The following VPS13B variants were observed in gnomAD, a reference collection of about 807,000 sequenced individuals.
VPS13B encodes intermembrane lipid transfer protein VPS13B.
In VPS13B, 285 loss-of-function variants were observed where a neutral mutation model predicts 426.4. That is an observed-to-expected ratio of 0.67 (90% CI 0.61 to 0.74). The LOEUF (loss-of-function observed/expected upper bound fraction) is 0.74, where lower values mean the gene tolerates loss of function less well. Among genes scored for constraint, VPS13B ranks in the 30% least tolerant of loss-of-function variants. The pLI is 0.00. For missense variants in VPS13B, 4,537 were observed against 4,782.6 expected (o/e 0.95, Z 1.51); for synonymous variants, 1,676 against 1,676.4 (o/e 1.00, Z 0.01).
chr8:99,483,547 C>G (rs76652896), intron 25 of VPS13B, among the ~76,000 whole-genome samples: 3,309 of 152,188 alleles, frequency 0.022, 132 homozygotes, highest in African/African-American at 0.075. Context: ...TTTGTGAAAT[C>G]CTTTGGTAGA....
intron 30 of VPS13B, among the ~76,000 whole-genome samples, chr8:99,552,584 T>G (rs1563791979): frequency 2.0e-5 from 3 of 151,796 alleles, no homozygotes; most frequent in South Asian, 2.1e-4. Flanking sequence ...TTTGTTTTTT[T>G]TTTTTTCCCC....
intron 3 of VPS13B, among the ~76,000 whole-genome samples, chr8:99,052,999 T>G (rs970045080): frequency 1.3e-5 from 2 of 152,064 alleles, no homozygotes; most frequent in Admixed American, 6.5e-5. Context: ...GATTCATTGA[T>G]TTTTTGAAGG....
intron 42 of VPS13B, 66 bp from the exon 43 acceptor site, chr8:99,784,249 A>C: frequency 8.1e-6 from 13 of 1,606,474 alleles, no homozygotes; most frequent in Non-Finnish European, 1.1e-5. Flanking sequence ...GCCACTGGGC[A>C]GACAGCTGCC....
intron 23 of VPS13B, among the ~76,000 whole-genome samples, chr8:99,456,735 T>C (rs1320774091): frequency 1.3e-5 from 2 of 152,188 alleles, no homozygotes; most frequent in African/African-American, 2.4e-5. Flanking sequence ...TCCATGCTTA[T>C]TGAGGGGTTT....
intron 13 of VPS13B, among the ~76,000 whole-genome samples, chr8:99,143,805 A>G (rs1421175975): frequency 6.6e-6 from 1 of 152,168 alleles, no homozygotes; most frequent in Non-Finnish European, 1.5e-5. Context: ...TCTCTACAAT[A>G]CGTTTAGTTA....
chr8:99,405,428 A>G (rs1334876619), intron 21 of VPS13B, among the ~76,000 whole-genome samples: 1 of 152,140 alleles, frequency 6.6e-6, no homozygotes, highest in Non-Finnish European at 1.5e-5. Context: ...GTCTGTTCGT[A>G]TGCCACAACA....
chr8:99,280,865 CCCTT>C (rs1174875915), intron 19 of VPS13B, among the ~76,000 whole-genome samples: 1 of 152,004 alleles, frequency 6.6e-6, no homozygotes, highest in African/African-American at 2.4e-5. Flanking sequence ...CTTTTTTTCA[CCCTT>C]CCTTTCATTT....
intron 39 of VPS13B, among the ~76,000 whole-genome samples, chr8:99,726,341 G>GTTGTGCAGTTTT (rs1274623963): frequency 2.2e-4 from 34 of 152,292 alleles, no homozygotes; most frequent in African/African-American, 8.2e-4. Flanking sequence ...ACCTAGGAGT[G>GTTGTGCAGTTTT]TTGTGCAGTT....
chr8:99,842,140 CATTTTAA>C (rs1430031623), intron 54 of VPS13B, among the ~76,000 whole-genome samples: 1 of 152,150 alleles, frequency 6.6e-6, no homozygotes, highest in Non-Finnish European at 1.5e-5. Flanking sequence ...ATCAGTAGTA[CATTTTAA>C]ATTTATTCCT....
chr8:99,310,762 G>GTACC (rs1317102864), intron 19 of VPS13B, among the ~76,000 whole-genome samples: 4 of 152,122 alleles, frequency 2.6e-5, no homozygotes, highest in Admixed American at 6.5e-5. Flanking sequence ...AGAAGGAATG[G>GTACC]TACCAGCTCC....
intron 14 of VPS13B, among the ~76,000 whole-genome samples, chr8:99,149,358 C>T (rs1563568989): frequency 6.6e-6 from 1 of 152,208 alleles, no homozygotes. Context: ...CGCTCTGTTG[C>T]CTAGGCTAGA....
chr8:99,794,207 G>A (rs1007665907), intron 43 of VPS13B, among the ~76,000 whole-genome samples: 1 of 152,132 alleles, frequency 6.6e-6, no homozygotes, highest in African/African-American at 2.4e-5. Context: ...AAGCAAATTC[G>A]ATGTAAGAGG....
At chr8:99,752,148 C>T (rs148956763) in intron 39 of VPS13B, among the ~76,000 whole-genome samples, 13 of 151,944 alleles carry the variant, frequency 8.6e-5, no homozygotes, top group African/African-American at 2.2e-4. Context: ...TCAAGGCCAG[C>T]CTGGGCAAAC....
intron 17 of VPS13B, among the ~76,000 whole-genome samples, chr8:99,198,941 G>A (rs566782663): frequency 4.6e-5 from 7 of 151,996 alleles, no homozygotes; most frequent in South Asian, 2.1e-4. Flanking sequence ...TCCACGAAAT[G>A]TGTATGTATT....
chr8:99,551,747 A>G (rs1824295679), intron 30 of VPS13B, among the ~76,000 whole-genome samples: 1 of 151,862 alleles, frequency 6.6e-6, no homozygotes, highest in Non-Finnish European at 1.5e-5. Flanking sequence ...TTTATATATT[A>G]TTATCCAGTG....
chr8:99,586,815 C>T (rs189686689), intron 33 of VPS13B, among the ~76,000 whole-genome samples: 71 of 152,190 alleles, frequency 4.7e-4, no homozygotes, highest in African/African-American at 1.6e-3. Context: ...ACACTCTTCC[C>T]AGAATTAGAA....
chr8:99,229,148 AG>A (rs1392250139), intron 17 of VPS13B, among the ~76,000 whole-genome samples: 1 of 152,196 alleles, frequency 6.6e-6, no homozygotes, highest in Non-Finnish European at 1.5e-5. Context: ...TGTGAAAAAA[AG>A]GGTCGGGAAC....
chr8:99,013,626 T>A lies in VPS13B; in HGVS notation c.-29-134T>A. 3 of 757,932 alleles carry A rather than the reference T, an allele frequency of 4.0e-6. No homozygotes were observed. The South Asian group carries it at 4.7e-5, about 12-fold the overall frequency. 47.0% of individuals were successfully genotyped at this position (757,932 alleles called of 1,614,324 possible). The stretch of plus-strand genomic sequence containing the variant: ...GTCGCAGCTGGAGCTGGGAGTCCGC[T>A]GGAGTTTTTCTCTGTTTCTAAGAGG... On this transcript the variant is annotated intron_variant, in intron 1 of 61. Coordinates refer to ENST00000357162, the MANE Select transcript of VPS13B (RefSeq NM_152564.5).
intron 34 of VPS13B, among the ~76,000 whole-genome samples, chr8:99,659,708 A>G (rs1397853145): frequency 6.6e-6 from 1 of 152,168 alleles, no homozygotes; most frequent in East Asian, 1.9e-4. Flanking sequence ...TTTTTTATAC[A>G]TCATATTAAC....
Sources: allele counts gnomAD v4.1 joint callset (sites outside exome capture counted in the v4.1 genomes callset), GRCh38; gene constraint gnomAD v4.1.1; transcripts MANE v1.5; gene names NCBI Gene and HGNC (gene_info 2026-07-23, HGNC 2026-07-21).